Variants in CNTN5 observed in about 807,000 individuals in gnomAD.
CNTN5 encodes contactin-5.
A neutral mutation model predicts 129.1 loss-of-function variants in CNTN5; 77 were observed. The ratio of observed to expected loss-of-function variants is 0.60; its 90% CI spans 0.50 to 0.72. The LOEUF (loss-of-function observed/expected upper bound fraction) is 0.72. CNTN5 is among the 30% of genes least tolerant of loss of function. The probability of loss-of-function intolerance (pLI) is 0.00; values close to 1 mark genes in which losing one functional copy is unlikely to be tolerated. For missense variants in CNTN5, 1,478 were observed against 1,328.8 expected (o/e 1.11, Z -1.75); for synonymous variants, 509 against 465.6 (o/e 1.09, Z -1.20).
intron 6 of CNTN5, among the ~76,000 whole-genome samples, chr11:99,904,406 C>T (rs989457381): frequency 2.6e-5 from 4 of 151,568 alleles, no homozygotes; most frequent in Non-Finnish European, 5.9e-5. Flanking sequence ...GTTTTCTGTT[C>T]CTGTGTTAGT....
At chr11:99,942,626 T>G (rs1950465605) in intron 7 of CNTN5, among the ~76,000 whole-genome samples, 1 of 151,796 alleles carries the variant, frequency 6.6e-6, no homozygotes, top group African/African-American at 2.4e-5. Context: ...ATAATCTAGG[T>G]TTTAAGCCCC....
intron 2 of CNTN5, among the ~76,000 whole-genome samples, chr11:99,474,075 A>C (rs1172964865): frequency 6.6e-6 from 1 of 152,056 alleles, no homozygotes; most frequent in Non-Finnish European, 1.5e-5. Flanking sequence ...AATTTTCTTA[A>C]ATGGGAGTAC....
intron 1 of CNTN5, among the ~76,000 whole-genome samples, chr11:99,279,410 GAC>G (rs1863592764): frequency 6.6e-6 from 1 of 151,774 alleles, no homozygotes; most frequent in Admixed American, 6.6e-5. Flanking sequence ...TGAATTCTAA[GAC>G]AGACTAATCA....
intron 7 of CNTN5, among the ~76,000 whole-genome samples, chr11:99,930,287 A>C (rs1373357817): frequency 6.6e-6 from 1 of 152,134 alleles, no homozygotes; most frequent in African/African-American, 2.4e-5. Context: ...ACAATCTGCC[A>C]TTTTGTCTCT....
chr11:99,220,780 G>A (rs1178966435), intron 1 of CNTN5, among the ~76,000 whole-genome samples: 1 of 151,780 alleles, frequency 6.6e-6, no homozygotes, highest in East Asian at 1.9e-4. Flanking sequence ...ATATTGTGTT[G>A]TGTTCTCTTA....
At chr11:99,742,815 A>G (rs1477864808) in intron 3 of CNTN5, among the ~76,000 whole-genome samples, 1 of 152,158 alleles carries the variant, frequency 6.6e-6, no homozygotes, top group African/African-American at 2.4e-5. Flanking sequence ...GAATCTCTTC[A>G]TGTAGATCAT....
intron 1 of CNTN5, among the ~76,000 whole-genome samples, chr11:99,128,547 A>C (rs1319661207): frequency 6.6e-6 from 1 of 152,130 alleles, no homozygotes; most frequent in Non-Finnish European, 1.5e-5. Context: ...CAGTGGGCTT[A>C]ATCTTTCCCG....
chr11:99,176,907 C>T (rs1289907076), intron 1 of CNTN5, among the ~76,000 whole-genome samples: 2 of 152,158 alleles, frequency 1.3e-5, no homozygotes, highest in Admixed American at 6.6e-5. Context: ...TAAACTCTCA[C>T]AATTTACAGA....
chr11:100,189,868 C>T (rs895919680), intron 13 of CNTN5, among the ~76,000 whole-genome samples: 6 of 152,030 alleles, frequency 3.9e-5, no homozygotes, highest in African/African-American at 1.4e-4. Context: ...CTAAATTTGT[C>T]TTCCTTCTTA....
intron 3 of CNTN5, among the ~76,000 whole-genome samples, chr11:99,656,339 T>C (rs1279106055): frequency 2.0e-5 from 3 of 152,132 alleles, no homozygotes; most frequent in Non-Finnish European, 4.4e-5. Flanking sequence ...AGACCTTTCA[T>C]ATTTTTTTTC....
intron 13 of CNTN5, among the ~76,000 whole-genome samples, chr11:100,092,799 ATGCTTGCACC>A (rs1235433687): frequency 6.6e-6 from 1 of 152,018 alleles, no homozygotes; most frequent in Non-Finnish European, 1.5e-5. Context: ...GGGGTGCAGT[ATGCTTGCACC>A]TGTGCACCTG....
intron 1 of CNTN5, among the ~76,000 whole-genome samples, chr11:99,253,897 T>TTA (rs67720359): frequency 0.072 from 10,011 of 138,912 alleles, 421 homozygotes; most frequent in East Asian, 0.15. Flanking sequence ...AAATATACGT[T>TTA]TATATATATA....
At chr11:99,693,790 C>T (rs933976723) in intron 3 of CNTN5, among the ~76,000 whole-genome samples, 4 of 152,058 alleles carry the variant, frequency 2.6e-5, no homozygotes, top group African/African-American at 9.7e-5. Flanking sequence ...TAAAAATTGA[C>T]AACATGAAAG....
At chr11:99,135,904 C>A (rs1315983779) in intron 1 of CNTN5, among the ~76,000 whole-genome samples, 1 of 152,102 alleles carries the variant, frequency 6.6e-6, no homozygotes, top group Non-Finnish European at 1.5e-5. Context: ...TTCTGTTTAG[C>A]ACCATTATAC....
chr11:99,708,585 CT>C (rs1954847656), intron 3 of CNTN5, among the ~76,000 whole-genome samples: 1 of 151,730 alleles, frequency 6.6e-6, no homozygotes, highest in African/African-American at 2.4e-5. Context: ...TTCTGATCTA[CT>C]AGTGCCTAAG....
intron 2 of CNTN5, among the ~76,000 whole-genome samples, chr11:99,371,315 T>C (rs1939808525): frequency 6.6e-6 from 1 of 151,954 alleles, no homozygotes; most frequent in Non-Finnish European, 1.5e-5. Context: ...AATATATACA[T>C]ATACTATATA....
intron 2 of CNTN5, among the ~76,000 whole-genome samples, chr11:99,526,348 A>G (rs973498643): frequency 6.6e-6 from 1 of 152,208 alleles, no homozygotes; most frequent in African/African-American, 2.4e-5. Flanking sequence ...GATACTTAGA[A>G]CAGCCCAGAA....
At chr11:99,645,635 C>T (rs977441643) in intron 3 of CNTN5, among the ~76,000 whole-genome samples, 10 of 152,106 alleles carry the variant, frequency 6.6e-5, no homozygotes, top group Admixed American at 3.9e-4. Flanking sequence ...AGGATGAGTT[C>T]ATGTCCTTTG....
intron 1 of CNTN5, among the ~76,000 whole-genome samples, chr11:99,059,337 T>C (rs1184218487): frequency 6.6e-6 from 1 of 152,104 alleles, no homozygotes; most frequent in Non-Finnish European, 1.5e-5. Flanking sequence ...CCTGAACCAT[T>C]GCTTGGCAGA....
Sources: gnomAD v4.1 joint callset for allele counts (sites outside exome capture counted in the v4.1 genomes callset) on GRCh38, gnomAD v4.1.1 for gene constraint, MANE v1.5 for transcripts, NCBI Gene and HGNC (gene_info 2026-07-23, HGNC 2026-07-21) for gene names.